Variants in COL24A1 observed in about 807,000 individuals in gnomAD.
COL24A1 encodes the protein collagen type XXIV alpha 1 chain, also known as collagen alpha-1(XXIV) chain.
COL24A1 carries 224 observed loss-of-function variants against 253.9 expected under a neutral mutation model. The observed-to-expected ratio is 0.88, with a 90% confidence interval of 0.79 to 0.99. The LOEUF is 0.99. Ranked by LOEUF, COL24A1 falls within the 50% of genes least tolerant of loss-of-function variation. The probability of loss-of-function intolerance (pLI) is 0.00; values close to 1 mark genes in which losing one functional copy is unlikely to be tolerated. For synonymous variants in COL24A1, 685 were observed against 673.7 expected, an observed-to-expected ratio of 1.02 and a Z score of -0.26; for missense variants, 2,131 against 2,068.5, an observed-to-expected ratio of 1.03 and a Z score of -0.59.
In COL24A1 at chr1:85,775,660, T is replaced by A; in HGVS notation, c.4374+14A>T. ...TGTCAGGGTTACTATAATCACAAAT[T>A]TAGTTAAACTTACAGTTTCACCTCT... On this transcript the variant is annotated intron_variant, in intron 53 of 59. Transcript: ENST00000370571. 1 of 1,603,428 alleles carries A rather than the reference T, an allele frequency of 6.2e-7. No homozygotes were observed. The highest frequency in any genetic ancestry group is 8.5e-7 in the Non-Finnish European group (1 of 1,175,820).
chr1:85,987,452 T>A (rs536290155), intron 20 of COL24A1, 149 bp downstream of exon 20: 2 of 718,368 alleles, frequency 2.8e-6, no homozygotes, highest in East Asian at 5.7e-5. Context: ...TGCAACTATC[T>A]GAAACCTAAA....
chr1:85,987,798 G>T, intron 19 of COL24A1, 144 bp from the exon 20 acceptor site: 1 of 654,438 alleles, frequency 1.5e-6, no homozygotes, highest in Non-Finnish European at 2.6e-6. Context: ...ATTAAGTTAG[G>T]CAGTTGTTTA....
At chr1:86,130,455 T>C (rs1486621199) in intron 2 of COL24A1, among the ~76,000 whole-genome samples, 1 of 151,954 alleles carries the variant, frequency 6.6e-6, no homozygotes, top group Non-Finnish European at 1.5e-5. Context: ...TTGCTTTGTG[T>C]ATGCCTTTTG....
chr1:85,840,383 T>C (rs897508880), intron 42 of COL24A1, among the ~76,000 whole-genome samples: 4 of 152,168 alleles, frequency 2.6e-5, no homozygotes, highest in Non-Finnish European at 2.9e-5. Context: ...CTATATGAGA[T>C]GGCTTGATTT....
chr1:85,858,030 G>A (rs1267493857), intron 37 of COL24A1, among the ~76,000 whole-genome samples: 1 of 152,128 alleles, frequency 6.6e-6, no homozygotes, highest in African/African-American at 2.4e-5. Flanking sequence ...TAAACCAGGA[G>A]CAAATTCAGT....
At chr1:86,110,582 G>GAGGA (rs1705455868) in intron 5 of COL24A1, among the ~76,000 whole-genome samples, 1 of 151,952 alleles carries the variant, frequency 6.6e-6, no homozygotes, top group South Asian at 2.1e-4. Flanking sequence ...CAGGAACTGG[G>GAGGA]GCTGCGTGCG....
At chr1:85,936,131 TC>T (rs1688227184) in intron 24 of COL24A1, among the ~76,000 whole-genome samples, 2 of 140,174 alleles carry the variant, frequency 1.4e-5, no homozygotes, top group Non-Finnish European at 3.1e-5. Context: ...CCAAGACAAG[TC>T]TGTTATGCCA....
At chr1:86,137,976 T>A (rs1463057123) in intron 2 of COL24A1, among the ~76,000 whole-genome samples, 1 of 152,146 alleles carries the variant, frequency 6.6e-6, no homozygotes, top group Middle Eastern at 3.2e-3. Context: ...CTATGCCATT[T>A]ATTCTCTTCT....
At chr1:86,088,563 A>G (rs1435754313) in intron 7 of COL24A1, among the ~76,000 whole-genome samples, 1 of 152,184 alleles carries the variant, frequency 6.6e-6, no homozygotes, top group Non-Finnish European at 1.5e-5. Flanking sequence ...CAACTGTGTC[A>G]GTACTCCTTT....
At chr1:85,829,799 T>C (rs1238086182) in intron 43 of COL24A1, among the ~76,000 whole-genome samples, 3 of 152,020 alleles carry the variant, frequency 2.0e-5, no homozygotes, top group African/African-American at 7.2e-5. Flanking sequence ...CTTCTCTGTA[T>C]TGGTTATTCT....
intron 47 of COL24A1, among the ~76,000 whole-genome samples, chr1:85,809,563 T>A (rs1672318432): frequency 6.6e-6 from 1 of 151,940 alleles, no homozygotes; most frequent in African/African-American, 2.4e-5. Context: ...CACATCAGGA[T>A]ACCTCCTCCA....
intron 2 of COL24A1, 83 bp from the exon 3 acceptor site, chr1:86,126,297 A>G: frequency 7.8e-7 from 1 of 1,289,122 alleles, no homozygotes; most frequent in Non-Finnish European, 1.1e-6. Flanking sequence ...TATGATAAAA[A>G]TCTTCCTTGT....
intron 5 of COL24A1, among the ~76,000 whole-genome samples, chr1:86,097,644 CCTCCTCCTCCTCCTCCCCTT>C (rs1200978968): frequency 5.5e-5 from 7 of 128,302 alleles, no homozygotes; most frequent in African/African-American, 2.1e-4. Flanking sequence ...TCTTATTCTT[CCTCCTCCTCCTCCTCCCCTT>C]CTCCTCCTCC....
At chr1:85,824,808 T>C (rs982644943) in intron 43 of COL24A1, among the ~76,000 whole-genome samples, 13 of 152,110 alleles carry the variant, frequency 8.5e-5, no homozygotes, top group African/African-American at 3.1e-4. Context: ...CCTATTTTCA[T>C]ACGTTACAGA....
intron 2 of COL24A1, among the ~76,000 whole-genome samples, chr1:86,132,826 T>G (rs1167725466): frequency 2.6e-5 from 4 of 152,142 alleles, no homozygotes; most frequent in Non-Finnish European, 4.4e-5. Flanking sequence ...TTCTTTTGGC[T>G]TAGGATGGAC....
intron 12 of COL24A1, among the ~76,000 whole-genome samples, chr1:86,045,104 C>A (rs1234230111): frequency 6.6e-6 from 1 of 152,154 alleles, no homozygotes; most frequent in Non-Finnish European, 1.5e-5. Context: ...ATTCTCCTGC[C>A]TCAACCTCCT....
chr1:86,110,039 G>A (rs1705389127), intron 5 of COL24A1, among the ~76,000 whole-genome samples: 2 of 152,216 alleles, frequency 1.3e-5, no homozygotes, highest in African/African-American at 4.8e-5. Context: ...TGTGTGAACT[G>A]TGAGAAATAA....
At position 85,786,382 on chromosome 1, in the gene COL24A1, G is replaced by T. The variant is rs1669687144; in HGVS notation, c.4031C>A (p.Pro1344Gln). Residue 1344 changes from proline to glutamine, a missense_variant, in exon 48 of 60, where the codon CCA (proline) becomes CAA (glutamine). By Grantham distance (76) the Pro-to-Gln change is moderately conservative (BLOSUM62 -1). Coordinates refer to ENST00000370571, the MANE Select transcript of COL24A1 (RefSeq NM_152890.7). Reference sequence around the variant, plus strand: ...TGGGCCTTGAATTCCTGGGCTTCCTGGCAAGCCTGATGAACCCTTTACTCC... The same window carrying T: ...TGGGCCTTGAATTCCTGGGCTTCCTTGCAAGCCTGATGAACCCTTTACTCC... The part of the protein sequence containing the change: ...PPGVKGSSGL[P>Q]GSPGIQGPKG... 2 of 1,613,666 alleles carry T rather than the reference G, an allele frequency of 1.2e-6. No homozygotes were observed. The highest frequency in any genetic ancestry group is 1.7e-6 in the Non-Finnish European group (2 of 1,179,770).
At chr1:85,907,847 C>T (rs1571172887) in intron 27 of COL24A1, among the ~76,000 whole-genome samples, 1 of 151,552 alleles carries the variant, frequency 6.6e-6, no homozygotes, top group Middle Eastern at 3.4e-3. Context: ...TCTATTAACC[C>T]AAGGTAGATA....
Sources: allele counts gnomAD v4.1 joint callset (sites outside exome capture counted in the v4.1 genomes callset), GRCh38; gene constraint gnomAD v4.1.1; transcripts MANE v1.5; gene names NCBI Gene and HGNC (gene_info 2026-07-23, HGNC 2026-07-21).